The following EXOC4 variants were observed in gnomAD, a reference collection of about 807,000 sequenced individuals.
EXOC4 encodes exocyst complex component 4, also known as SEC8-like 1.
In EXOC4, 71 loss-of-function variants were observed where a neutral mutation model predicts 107.2. The ratio of observed to expected loss-of-function variants is 0.66; its 90% CI spans 0.55 to 0.81. EXOC4 has a LOEUF of 0.81. Ranked by LOEUF, EXOC4 falls within the 30% of genes least tolerant of loss-of-function variation. EXOC4 has a pLI of 0.00. For synonymous variants in EXOC4, 456 were observed against 441.2 expected, an observed-to-expected ratio of 1.03 and a Z score of -0.42; for missense variants, 1,108 against 1,189.6, an observed-to-expected ratio of 0.93 and a Z score of 1.01.
chr7:134,035,334 T>C (rs1032352130), intron 17 of EXOC4, among the ~76,000 whole-genome samples: 6 of 152,136 alleles, frequency 3.9e-5, no homozygotes, highest in Non-Finnish European at 2.9e-5. Flanking sequence ...CGTGAGCCAC[T>C]GCGCCTGGCC....
downstream of EXOC4, among the ~76,000 whole-genome samples, chr7:134,069,447 T>TCCTCCTCCTTCTCCTTCC (rs1796242312): frequency 6.7e-6 from 1 of 150,240 alleles, no homozygotes; most frequent in African/African-American, 2.5e-5. Flanking sequence ...CTTCTCCTGC[T>TCCTCCTCCTTCTCCTTCC]CCTCCTCCTT....
At chr7:133,499,267 G>C (rs181161312) in intron 9 of EXOC4, among the ~76,000 whole-genome samples, 4 of 151,804 alleles carry the variant, frequency 2.6e-5, no homozygotes, top group African/African-American at 9.7e-5. Context: ...TTGCAGTCAG[G>C]GACCAAGTCA....
At chr7:133,307,788 A>G (rs922500547) in intron 4 of EXOC4, among the ~76,000 whole-genome samples, 2 of 152,188 alleles carry the variant, frequency 1.3e-5, no homozygotes, top group African/African-American at 2.4e-5. Flanking sequence ...TGCCACTGCC[A>G]TTGCCTTGCT....
chr7:133,859,477 C>G (rs751837065), intron 11 of EXOC4, among the ~76,000 whole-genome samples: 4 of 152,180 alleles, frequency 2.6e-5, no homozygotes, highest in Non-Finnish European at 5.9e-5. Flanking sequence ...CACACTGGAA[C>G]TGCTGCAGCG....
chr7:133,885,334 AG>A (rs1350767206), intron 11 of EXOC4, among the ~76,000 whole-genome samples: 5 of 151,546 alleles, frequency 3.3e-5, no homozygotes, highest in Non-Finnish European at 7.4e-5. Context: ...AAAAAGATAC[AG>A]TGTAGTAATA....
chr7:133,618,236 T>C (rs1215343006), intron 9 of EXOC4, among the ~76,000 whole-genome samples: 1 of 152,166 alleles, frequency 6.6e-6, no homozygotes, highest in East Asian at 1.9e-4. Flanking sequence ...TATATATATT[T>C]ATGTGTGTGT....
In EXOC4 at chr7:133,351,902, T is replaced by G. The variant is rs1361534193; in HGVS notation, c.764-4428T>G. ...GTTTTCATTTTCATTAATCTCTAAG[T>G]AATTTTCTAATTTCCTTTGAGGTTT... On this transcript the variant is annotated intron_variant, in intron 5 of 17. Coordinates refer to ENST00000253861, the MANE Select transcript of EXOC4 (RefSeq NM_021807.4). Among the ~76,000 whole-genome samples, 3 of 152,032 alleles carry G rather than the reference T, an allele frequency of 2.0e-5. No homozygotes were observed. The East Asian group carries it at 5.8e-4, about 29-fold the overall frequency.
At chr7:133,745,439 A>G (rs1346990307) in intron 10 of EXOC4, among the ~76,000 whole-genome samples, 2 of 152,108 alleles carry the variant, frequency 1.3e-5, no homozygotes, top group Non-Finnish European at 2.9e-5. Flanking sequence ...ATTGTTATCA[A>G]TATTAAATGA....
intron 14 of EXOC4, among the ~76,000 whole-genome samples, chr7:133,984,381 G>A (rs1184791977): frequency 6.6e-6 from 1 of 152,076 alleles, no homozygotes; most frequent in East Asian, 1.9e-4. Flanking sequence ...TTTGATATTT[G>A]GAACAATTCT....
At chr7:133,325,676 G>C (rs1795221961) in intron 5 of EXOC4, among the ~76,000 whole-genome samples, 1 of 152,134 alleles carries the variant, frequency 6.6e-6, no homozygotes, top group South Asian at 2.1e-4. Flanking sequence ...TGGTGAATCT[G>C]ACAATTATTT....
intron 10 of EXOC4, among the ~76,000 whole-genome samples, chr7:133,659,506 A>G (rs973266266): frequency 1.3e-5 from 2 of 152,102 alleles, no homozygotes; most frequent in African/African-American, 4.8e-5. Flanking sequence ...GCAAAAGCAA[A>G]TGTTTTCTTA....
At chr7:133,937,373 G>A (rs997388771) in intron 13 of EXOC4, among the ~76,000 whole-genome samples, 1 of 152,148 alleles carries the variant, frequency 6.6e-6, no homozygotes, top group Admixed American at 6.5e-5. Context: ...CTAAGTAAAT[G>A]AATAAATGAA....
intron 10 of EXOC4, among the ~76,000 whole-genome samples, chr7:133,813,735 A>G (rs923177309): frequency 1.3e-5 from 2 of 152,172 alleles, no homozygotes; most frequent in Admixed American, 1.3e-4. Flanking sequence ...CACATTGATA[A>G]CATCAGTTAA....
chr7:133,969,369 G>A (rs1392871175), intron 14 of EXOC4, among the ~76,000 whole-genome samples: 3 of 152,166 alleles, frequency 2.0e-5, no homozygotes. Flanking sequence ...TCTCCATCCA[G>A]TTTTGTTCCC....
At chr7:133,541,481 T>C (rs909374668) in intron 9 of EXOC4, among the ~76,000 whole-genome samples, 1 of 152,190 alleles carries the variant, frequency 6.6e-6, no homozygotes, top group African/African-American at 2.4e-5. Context: ...TATTTGTTTT[T>C]ATGTTATGTT....
intron 9 of EXOC4, among the ~76,000 whole-genome samples, chr7:133,515,466 A>G (rs1799855639): frequency 6.6e-6 from 1 of 152,100 alleles, no homozygotes; most frequent in African/African-American, 2.4e-5. Context: ...ACATATACAT[A>G]TAGTGAGAGA....
chr7:133,817,412 C>T lies in EXOC4; in HGVS notation c.1602C>T (p.Asn534=), dbSNP rs1196429570. Residue 534 remains asparagine, a synonymous_variant, in exon 11 of 18, where the codon AAC becomes AAT. Coordinates refer to ENST00000253861, the MANE Select transcript of EXOC4 (RefSeq NM_021807.4). ...AGTTTCTCACCGTGTACATCAAAAA[C>T]ATCTTTCTCAATCAAGTCTTGGCTG... ...LREFLTVYIK[N]IFLNQVLAEI... 6.2e-7 allele frequency: 1 copy of T among 1,614,122 alleles called. No individual in the cohort carries two copies. Among genetic ancestry groups the T allele is most frequent in the Admixed American group, 1.7e-5 (1 of 60,008 alleles).
intron 10 of EXOC4, among the ~76,000 whole-genome samples, chr7:133,704,798 G>T (rs1794733574): frequency 6.6e-6 from 1 of 152,208 alleles, no homozygotes; most frequent in Admixed American, 6.5e-5. Flanking sequence ...ACTGTGACTT[G>T]TCATGTGAGG....
chr7:133,255,262 C>T (rs552342245), intron 1 of EXOC4, among the ~76,000 whole-genome samples: 1 of 152,070 alleles, frequency 6.6e-6, no homozygotes, highest in African/African-American at 2.4e-5. Flanking sequence ...CTGCAACCTC[C>T]GCCTCCCAGG....
Sources: allele counts gnomAD v4.1 joint callset (sites outside exome capture counted in the v4.1 genomes callset), GRCh38; gene constraint gnomAD v4.1.1; transcripts MANE v1.5; gene names NCBI Gene and HGNC (gene_info 2026-07-23, HGNC 2026-07-21).